Variants in PARD3 observed in about 807,000 individuals in gnomAD.
The protein encoded by PARD3 is partitioning defective 3 homolog.
PARD3 carries 75 observed loss-of-function variants against 155.4 expected under a neutral mutation model. The ratio of observed to expected loss-of-function variants is 0.48; its 90% CI spans 0.40 to 0.58. The LOEUF (loss-of-function observed/expected upper bound fraction) is 0.58. Ranked by LOEUF, PARD3 falls within the 20% of genes least tolerant of loss-of-function variation. The pLI, the probability that PARD3 is intolerant of heterozygous loss-of-function variation, is 0.00. For synonymous variants in PARD3, 576 were observed against 610.5 expected, an observed-to-expected ratio of 0.94 and a Z score of 0.83; for missense variants, 1,642 against 1,721.7, an observed-to-expected ratio of 0.95 and a Z score of 0.82.
intron 1 of PARD3, among the ~76,000 whole-genome samples, chr10:34,718,021 G>C (rs1398097156): frequency 3.9e-5 from 6 of 151,980 alleles, no homozygotes; most frequent in Non-Finnish European, 8.8e-5. Flanking sequence ...GGGCATGGTG[G>C]TGCATGCCTG....
intron 2 of PARD3, among the ~76,000 whole-genome samples, chr10:34,676,900 A>T (rs2093718565): frequency 6.6e-6 from 1 of 152,222 alleles, no homozygotes; most frequent in Non-Finnish European, 1.5e-5. Context: ...GCAGTCTCTG[A>T]ATTTCCTCAT....
intron 1 of PARD3, among the ~76,000 whole-genome samples, chr10:34,727,438 G>C (rs1790946590): frequency 6.6e-6 from 1 of 152,130 alleles, no homozygotes; most frequent in Admixed American, 6.5e-5. Flanking sequence ...AAGCCTCATA[G>C]GACCCAAAGT....
At chr10:34,681,148 A>C (rs1045918752) in intron 2 of PARD3, among the ~76,000 whole-genome samples, 2 of 152,198 alleles carry the variant, frequency 1.3e-5, no homozygotes, top group Non-Finnish European at 2.9e-5. Flanking sequence ...ACAGAAATAG[A>C]GTAAGCTTTT....
intron 2 of PARD3, among the ~76,000 whole-genome samples, chr10:34,642,488 C>A (rs977552078): frequency 1.1e-4 from 17 of 152,196 alleles, no homozygotes; most frequent in African/African-American, 4.1e-4. Context: ...CTGAGTCACT[C>A]CACCTGGCGG....
At chr10:34,253,705 A>G (rs1954467640) in intron 22 of PARD3, among the ~76,000 whole-genome samples, 1 of 152,142 alleles carries the variant, frequency 6.6e-6, no homozygotes, top group Non-Finnish European at 1.5e-5. Context: ...CTCAGAGAAG[A>G]CACAGCTGTC....
chr10:34,701,333 A>ATGATGT (rs1554815382), intron 1 of PARD3, among the ~76,000 whole-genome samples: 6,203 of 149,932 alleles, frequency 0.041, 159 homozygotes, highest in Middle Eastern at 0.065. Context: ...ACACGCGGGG[A>ATGATGT]TGTTGTTGTT....
At chr10:34,300,287 G>C (rs1227237176) in intron 20 of PARD3, among the ~76,000 whole-genome samples, 1 of 152,164 alleles carries the variant, frequency 6.6e-6, no homozygotes, top group African/African-American at 2.4e-5. Context: ...ATGTATGTGA[G>C]TACATAGTGG....
chr10:34,648,311 T>C (rs1200694547), intron 2 of PARD3, among the ~76,000 whole-genome samples: 5 of 152,238 alleles, frequency 3.3e-5, no homozygotes, highest in East Asian at 1.9e-4. Flanking sequence ...ATTTTTAATA[T>C]TGATGTATTT....
intron 19 of PARD3, among the ~76,000 whole-genome samples, chr10:34,318,986 G>A (rs1958199715): frequency 6.6e-6 from 1 of 150,928 alleles, no homozygotes; most frequent in South Asian, 2.1e-4. Context: ...TCACTATGTT[G>A]GCCAGGCTGG....
rs370370042 is a variant in PARD3 at position 34,284,296 on chromosome 10, C to G, written c.3066-51G>C. 1.0e-5 allele frequency: 11 copies of G among 1,105,024 alleles called. No homozygotes were observed. In the African/African-American group the frequency reaches 1.6e-4, roughly 16 times the overall value. 68.5% of individuals were successfully genotyped at this position (1,105,024 alleles called of 1,614,324 possible). A position where few individuals can be genotyped will look rare whatever the true frequency, so the allele number is the denominator to read the frequency against. The stretch of plus-strand genomic sequence containing the variant: ...TGTCAATATATACAAAATGAGCTTT[C>G]TTTTGTTTGTGGTAATGACATATAC... On this transcript the variant is annotated intron_variant, in intron 20 of 24. Transcript: ENST00000374788.
intron 3 of PARD3, among the ~76,000 whole-genome samples, chr10:34,476,582 TC>T (rs1433536899): frequency 7.2e-5 from 11 of 152,262 alleles, no homozygotes; most frequent in Admixed American, 2.6e-4. Context: ...TGGGCCTCCA[TC>T]CCTAATTTAT....
At chr10:34,698,032 C>G (rs1418707234) in intron 1 of PARD3, among the ~76,000 whole-genome samples, 1 of 152,084 alleles carries the variant, frequency 6.6e-6, no homozygotes, top group African/African-American at 2.4e-5. Flanking sequence ...GAGGTGTCCC[C>G]TGGCCACTTA....
intron 5 of PARD3, among the ~76,000 whole-genome samples, chr10:34,425,917 T>A (rs530163401): frequency 5.3e-5 from 8 of 152,204 alleles, no homozygotes; most frequent in Admixed American, 2.6e-4. Flanking sequence ...ATGCTTTACA[T>A]CCACCTATAT....
At chr10:34,490,943 G>C (rs2079859917) in intron 3 of PARD3, among the ~76,000 whole-genome samples, 1 of 152,190 alleles carries the variant, frequency 6.6e-6, no homozygotes, top group Non-Finnish European at 1.5e-5. Context: ...AAGCTCTTCA[G>C]GTCATTGTAA....
At chr10:34,156,737 G>A (rs1359386744) in intron 22 of PARD3, among the ~76,000 whole-genome samples, 5 of 152,136 alleles carry the variant, frequency 3.3e-5, no homozygotes, top group South Asian at 2.1e-4. Flanking sequence ...CCCAGAGCTC[G>A]CCCAGGCCCC....
At chr10:34,468,124 G>A (rs1158464269) in intron 4 of PARD3, among the ~76,000 whole-genome samples, 1 of 152,052 alleles carries the variant, frequency 6.6e-6, no homozygotes, top group Non-Finnish European at 1.5e-5. Context: ...CAGGCCCCTG[G>A]ACTGCAGCAC....
At chr10:34,623,172 G>C (rs765638787) in intron 2 of PARD3, among the ~76,000 whole-genome samples, 2 of 152,054 alleles carry the variant, frequency 1.3e-5, no homozygotes, top group African/African-American at 2.4e-5. Flanking sequence ...TTCGACAGTC[G>C]AAAGTGAAAA....
chr10:34,354,053 C>T (rs1266901994), intron 14 of PARD3, among the ~76,000 whole-genome samples: 1 of 147,336 alleles, frequency 6.8e-6, no homozygotes, highest in Non-Finnish European at 1.5e-5. Flanking sequence ...TTACTGCCCT[C>T]AAAATCACTT....
chr10:34,231,553 A>C (rs1952932994), intron 22 of PARD3, among the ~76,000 whole-genome samples: 2 of 152,030 alleles, frequency 1.3e-5, no homozygotes, highest in Admixed American at 1.3e-4. Context: ...GTATGAGGCA[A>C]ATGTCTTCTC....
Sources: allele counts gnomAD v4.1 joint callset (sites outside exome capture counted in the v4.1 genomes callset), GRCh38; gene constraint gnomAD v4.1.1; transcripts MANE v1.5; gene names NCBI Gene and HGNC (gene_info 2026-07-23, HGNC 2026-07-21).